DCHS1: variants seen among roughly 807,000 people sequenced by gnomAD.
The protein encoded by DCHS1 is protocadherin-16.
A neutral mutation model predicts 213.9 loss-of-function variants in DCHS1; 78 were observed. The ratio of observed to expected loss-of-function variants is 0.36; its 90% CI spans 0.30 to 0.44. DCHS1 has a LOEUF of 0.44. DCHS1 is among the 20% of genes least tolerant of loss of function. DCHS1 has a pLI of 1.00. For missense variants in DCHS1, 3,946 were observed against 4,395.9 expected (o/e 0.90, Z 2.89); for synonymous variants, 1,828 against 1,873.7 (o/e 0.98, Z 0.63).
chr11:6,648,913 C>T (rs1173688630), intron 1 of DCHS1, among the ~76,000 whole-genome samples: 2 of 152,126 alleles, frequency 1.3e-5, no homozygotes, highest in East Asian at 3.8e-4. Flanking sequence ...GAGTTCAAAT[C>T]CTGACTCGGC....
intron 1 of DCHS1, among the ~76,000 whole-genome samples, chr11:6,653,988 G>GGA (rs199820935): frequency 0.014 from 2,129 of 152,280 alleles, 37 homozygotes; most frequent in African/African-American, 0.049. Context: ...GTCCTGGGAG[G>GGA]GAGGAAGGTA....
At chr11:6,629,966 T>A (rs1564863327) in intron 10 of DCHS1, 33 bp downstream of exon 10, 1 of 1,592,852 alleles carries the variant, frequency 6.3e-7, no homozygotes, top group Admixed American at 1.7e-5. Flanking sequence ...CATCAGCACC[T>A]TCCTCGCCCT....
At position 6,630,130 on chromosome 11, in the gene DCHS1, G is replaced by A. The variant is rs758107937; in HGVS notation, c.4664C>T (p.Pro1555Leu). Residue 1555 changes from proline (P) to leucine (L), a missense_variant, in exon 10 of 21, where the codon CCA becomes CTA. Physicochemically the swap from Pro to Leu is moderately conservative, Grantham distance 98. Transcript: ENST00000299441. Reference sequence around the variant, plus strand: ...CGCGGGCCCAGGCGGCTGGTCCTCTGGGAGGCGCACGCGTGACGGCGAGGC... The same window carrying A: ...CGCGGGCCCAGGCGGCTGGTCCTCTAGGAGGCGCACGCGTGACGGCGAGGC... ...VFASPSRVRL[P>L]EDQPPGPAAL... 3.1e-6 allele frequency: 5 copies of A among 1,605,634 alleles called. 1 individual carries two copies. In the South Asian group the frequency reaches 5.5e-5, roughly 18 times the overall value.
In DCHS1 at chr11:6,640,454, C is replaced by T. The variant is rs145132459; in HGVS notation, c.1160G>A (p.Arg387His). 1.7e-4 allele frequency: 282 copies of T among 1,613,696 alleles called. No individual in the cohort carries two copies. The highest frequency in any genetic ancestry group is 2.1e-4 in the Non-Finnish European group (251 of 1,179,894). Residue 387 changes from arginine to histidine, a missense_variant, in exon 2 of 21, where the codon CGC (arginine) becomes CAC (histidine). Arg to His is a conservative substitution (Grantham distance 29, BLOSUM62 0). This residue lies in a region of DCHS1 where 3,384 missense variants were observed against 3,780.1 expected (regional missense o/e 0.90). Coordinates refer to ENST00000299441, the MANE Select transcript of DCHS1 (RefSeq NM_003737.4). The surrounding 1 kb of genome is among the most constrained non-coding windows in gnomAD (Gnocchi z 6.5). The stretch of plus-strand genomic sequence containing the variant: ...ATCATCTGGGTCTGACACAGAGATG[C>T]GAGCAACGAGCTGTCCAGGTGGGGC... ...EAAPPGQLVA[R>H]ISVSDPDDGD... is the part of the protein sequence containing the mutation.
rs1192694117 is a variant in DCHS1, at chr11:6,623,657, A to T, written c.8019T>A (p.His2673Gln). 1.2e-6 allele frequency: 2 copies of T among 1,613,716 alleles called. No individual in the cohort carries two copies. The highest frequency in any genetic ancestry group is 8.5e-7 in the Non-Finnish European group (1 of 1,179,892). ...GGTCAGCAGCCTGTACTACAAGCTGATGTCGAGCCTGGGTCTCACAGTCCA... is the reference window on the plus strand; with the variant it reads ...GGTCAGCAGCCTGTACTACAAGCTGTTGTCGAGCCTGGGTCTCACAGTCCA... ...HALDCETQARHQLVVQAADPA... is the reference protein window; with the variant it reads ...HALDCETQARQQLVVQAADPA... The change falls in exon 21 of 21, where the codon CAT (histidine) becomes CAA (glutamine). Residue 2673 changes from histidine (H) to glutamine (Q), a missense_variant. By Grantham distance (24) the His-to-Gln change is conservative (BLOSUM62 0). Around this residue, in one of 3 missense-constraint regions of DCHS1, gnomAD observed 3,384 missense variants for 3,780.1 expected, o/e 0.90. Transcript: ENST00000299441.
chr11:6,622,204 G>T lies in DCHS1; in HGVS notation c.9472C>A (p.Arg3158Ser). Reference sequence around the variant, plus strand: ...AGGTAGTCCCAGTTATAGCTGCCACGGAGCTCCTCCTCGCCGGCCACAATG... The same window carrying T: ...AGGTAGTCCCAGTTATAGCTGCCACTGAGCTCCTCCTCGCCGGCCACAATG... ...TAIVAGEEEL[R>S]GSYNWDYLLS... Residue 3158 changes from arginine to serine, a missense_variant, in exon 21 of 21, where the codon CGT becomes AGT. Coordinates refer to ENST00000299441, the MANE Select transcript of DCHS1 (RefSeq NM_003737.4). This position sits in a 1 kb window ranked among gnomAD's most constrained non-coding sequence, Gnocchi z 5.4. 6.2e-7 allele frequency: 1 copy of T among 1,604,342 alleles called. No individual in the cohort carries two copies. Among genetic ancestry groups the T allele is most frequent in the Non-Finnish European group, 8.5e-7 (1 of 1,177,142 alleles).
rs942751177 is a variant in DCHS1, at chr11:6,641,288, C to T, written c.326G>A (p.Arg109His). The T allele has an allele frequency of 1.4e-5, 23 of 1,613,716 alleles. No individual in the cohort carries two copies. Among genetic ancestry groups the T allele is most frequent in the South Asian group, 7.7e-5 (7 of 91,092 alleles). ...GVVRTARVLDREQRDRYRFTA... is the reference protein window; with the variant it reads ...GVVRTARVLDHEQRDRYRFTA... ...GAAGCGGTAGCGGTCCCGCTGCTCA[C>T]GGTCCAAGACACGGGCTGTACGGAC... The change falls in exon 2 of 21, where the codon CGT becomes CAT. Residue 109 changes from arginine (R) to histidine (H), a missense_variant. By Grantham distance (29) the Arg-to-His change is conservative. This residue lies in a region of DCHS1 where 3,384 missense variants were observed against 3,780.1 expected (regional missense o/e 0.90). Transcript: ENST00000299441. The surrounding 1 kb of genome is among the most constrained non-coding windows in gnomAD (Gnocchi z 7.1).
intron 1 of DCHS1, among the ~76,000 whole-genome samples, chr11:6,646,149 C>A (rs558796033): frequency 2.3e-4 from 35 of 152,098 alleles, no homozygotes; most frequent in African/African-American, 7.0e-4. Flanking sequence ...CCACACACAC[C>A]CACCCTCCAC....
chr11:6,632,523 C>T lies in DCHS1; in HGVS notation c.2989G>A (p.Ala997Thr). ...VVQDVGTRGL[A>T]PRFNSPTYRV... ...TAGGTAGGGCTGTTGAATCGGGGAG[C>T]CAGCCCACGGGTTCCCACATCCTGT... Residue 997 changes from alanine (A) to threonine (T), a missense_variant, in exon 6 of 21, where the codon GCT becomes ACT. Coordinates refer to ENST00000299441, the MANE Select transcript of DCHS1 (RefSeq NM_003737.4). The surrounding 1 kb of genome is among the most constrained non-coding windows in gnomAD (Gnocchi z 5.9). 1.3e-6 allele frequency: 2 copies of T among 1,539,458 alleles called. No individual in the cohort carries two copies. Among genetic ancestry groups the T allele is most frequent in the African/African-American group, 2.7e-5 (2 of 72,982 alleles).
At chr11:6,630,996 C>G in intron 9 of DCHS1, 57 bp downstream of exon 9, 2 of 1,548,148 alleles carry the variant, frequency 1.3e-6, no homozygotes, top group Non-Finnish European at 1.7e-6. Flanking sequence ...TCCCGTGAAG[C>G]TGGAGCTACT....
chr11:6,646,802 C>T (rs909976718), intron 1 of DCHS1, among the ~76,000 whole-genome samples: 30 of 152,228 alleles, frequency 2.0e-4, no homozygotes, highest in East Asian at 7.7e-4. Flanking sequence ...GGGCCTGAAA[C>T]GTGATGTCAA....
At position 6,641,444 on chromosome 11, in the gene DCHS1, G is replaced by A. The variant is rs754178605; in HGVS notation, c.170C>T (p.Ala57Val). 1.2e-5 allele frequency: 20 copies of A among 1,606,080 alleles called. No homozygotes were observed. Among genetic ancestry groups the A allele is most frequent in the Non-Finnish European group, 1.6e-5 (19 of 1,176,824 alleles). Residue 57 changes from alanine to valine, a missense_variant, in exon 2 of 21, where the codon GCG becomes GTG. By Grantham distance (64) the Ala-to-Val change is moderately conservative. Around this residue, in one of 3 missense-constraint regions of DCHS1, gnomAD observed 3,384 missense variants for 3,780.1 expected, o/e 0.90. Coordinates refer to ENST00000299441, the MANE Select transcript of DCHS1 (RefSeq NM_003737.4). The surrounding 1 kb of genome is among the most constrained non-coding windows in gnomAD (Gnocchi z 7.1). ...LDLQIDEEQP[A>V]GTLIGDISAG... ...ACTGATGTCGCCAATCAGTGTACCCGCTGGCTGCTCCTCATCAATCTGCAA... is the reference window on the plus strand; with the variant it reads ...ACTGATGTCGCCAATCAGTGTACCCACTGGCTGCTCCTCATCAATCTGCAA...
chr11:6,622,828 C>A lies in DCHS1; in HGVS notation c.8848G>T (p.Val2950Leu). 6.3e-7 allele frequency: 1 copy of A among 1,595,012 alleles called. No homozygotes were observed. The highest frequency in any genetic ancestry group is 2.3e-5 in the East Asian group (1 of 43,734). ...AGGACCAGGGCTGCCAGTGCAAGCA[C>A]CACCACAACTCCCAAGGAGGCTGCC... ...AVAASLGVVVVLALAALVLGL... is the reference protein window; with the variant it reads ...AVAASLGVVVLLALAALVLGL... The change falls in exon 21 of 21, where the codon GTG becomes TTG. Residue 2950 changes from valine (V) to leucine (L), a missense_variant. Coordinates refer to ENST00000299441, the MANE Select transcript of DCHS1 (RefSeq NM_003737.4). This position sits in a 1 kb window ranked among gnomAD's most constrained non-coding sequence, Gnocchi z 5.4.
At chr11:6,648,251 C>T (rs1039778379) in intron 1 of DCHS1, among the ~76,000 whole-genome samples, 5 of 152,034 alleles carry the variant, frequency 3.3e-5, no homozygotes, top group Admixed American at 3.3e-4. Flanking sequence ...GTAGAGTGAG[C>T]AGAGAGTCTT....
At position 6,627,032 on chromosome 11, in the gene DCHS1, G is replaced by A; in HGVS notation, c.6007C>T (p.Leu2003=). The part of the protein sequence containing the change: ...AGANASILYR[L]AGTPPPGTTV... ...GTGCCAGGAGGTGGTGTGCCTGCCA[G>A]CCGGTACAGAATGGAAGCATTGGCA... Residue 2003 remains leucine (L), a synonymous_variant, in exon 14 of 21, where the codon CTG becomes TTG. Coordinates refer to ENST00000299441, the MANE Select transcript of DCHS1 (RefSeq NM_003737.4). This position sits in a 1 kb window ranked among gnomAD's most constrained non-coding sequence, Gnocchi z 5.4. 6.2e-7 allele frequency: 1 copy of A among 1,613,702 alleles called. No homozygotes were observed. The highest frequency in any genetic ancestry group is 1.1e-5 in the South Asian group (1 of 91,086).
chr11:6,630,296 C>G lies in DCHS1; in HGVS notation c.4498G>C (p.Gly1500Arg). ...ARTGALSAPR[G>R]LDRETTPALL... Reference sequence around the variant, plus strand: ...GCGGGAGTGGTCTCTCGGTCCAGGCCGCGCGGAGCGCTGAGCGCCCCGGTG... The same window carrying G: ...GCGGGAGTGGTCTCTCGGTCCAGGCGGCGCGGAGCGCTGAGCGCCCCGGTG... The change falls in exon 10 of 21, where the codon GGC becomes CGC. Residue 1500 changes from glycine to arginine, a missense_variant. Gly to Arg is a moderately radical substitution (Grantham distance 125, BLOSUM62 -2). Coordinates refer to ENST00000299441, the MANE Select transcript of DCHS1 (RefSeq NM_003737.4). The G allele has an allele frequency of 4.8e-6, 7 of 1,472,124 alleles. No individual in the cohort carries two copies. Among genetic ancestry groups the G allele is most frequent in the Non-Finnish European group, 6.3e-6 (7 of 1,116,838 alleles). 91.2% of individuals were successfully genotyped at this position (1,472,124 alleles called of 1,614,324 possible).
At chr11:6,646,887 A>G (rs1856165254) in intron 1 of DCHS1, among the ~76,000 whole-genome samples, 1 of 152,018 alleles carries the variant, frequency 6.6e-6, no homozygotes, top group Non-Finnish European at 1.5e-5. Flanking sequence ...AGCAGGGGGA[A>G]CATGGGAGAG....
At position 6,641,379 on chromosome 11, in the gene DCHS1, A is replaced by T; in HGVS notation, c.235T>A (p.Phe79Ile). 1 of 1,613,376 alleles carries T rather than the reference A, an allele frequency of 6.2e-7. No individual in the cohort carries two copies. The highest frequency in any genetic ancestry group is 1.1e-5 in the South Asian group (1 of 91,076). Residue 79 changes from phenylalanine to isoleucine, a missense_variant, in exon 2 of 21, where the codon TTC (phenylalanine) becomes ATC (isoleucine). By Grantham distance (21) the Phe-to-Ile change is conservative. This residue lies in a region of DCHS1 where 3,384 missense variants were observed against 3,780.1 expected (regional missense o/e 0.90). Transcript: ENST00000299441. The surrounding 1 kb of genome is among the most constrained non-coding windows in gnomAD (Gnocchi z 7.1). ...PAGTAAPLMY[F>I]ISAQEGSGVG... ...CCGCTGCCCTCTTGGGCAGAGATGA[A>T]GTACATGAGAGGAGCTGCCGTGCCT...
In DCHS1 at chr11:6,630,495, C is replaced by G. The variant is rs1345988053; in HGVS notation, c.4299G>C (p.Ala1433=). The change falls in exon 10 of 21, where the codon GCG becomes GCC. Residue 1433 remains alanine (A), a synonymous_variant. Transcript: ENST00000299441. ...QVQVQDENEH[A]PAFARDPLAL... ...CCAGCGGGTCGCGCGCAAAGGCGGG[C>G]GCATGCTCATTCTCGTCCTGCACTT... is the stretch of plus-strand genomic sequence containing the variant. 6.5e-7 allele frequency: 1 copy of G among 1,537,304 alleles called. No individual in the cohort carries two copies. The highest frequency in any genetic ancestry group is 2.5e-5 in the East Asian group (1 of 40,326).
Sources: allele counts gnomAD v4.1 joint callset (sites outside exome capture counted in the v4.1 genomes callset), GRCh38; gene constraint gnomAD v4.1.1; regional missense constraint gnomAD v4.1.1; non-coding constraint Gnocchi (gnomAD v3.1); transcripts MANE v1.5; gene names NCBI Gene and HGNC (gene_info 2026-07-23, HGNC 2026-07-21).